MTCL2: variants seen among roughly 807,000 people sequenced by gnomAD.
MTCL2 encodes microtubule crosslinking factor 2, also known as microtubule cross-linking factor 2.
At chr20:36,786,065 G>A in the MTCL2 span, 2 of 986,942 alleles carry the variant, frequency 2.0e-6, no homozygotes, top group East Asian at 1.1e-4. Context: ...AAATGAAGGG[G>A]TGGATGGTCA....
chr20:36,797,046 C>T, the MTCL2 span: 3 of 1,101,140 alleles, frequency 2.7e-6, no homozygotes, highest in Non-Finnish European at 2.8e-6. Context: ...GTGCTTGAAT[C>T]TCCTCATCCG....
chr20:36,834,526 A>T, the MTCL2 span, among the ~76,000 whole-genome samples: 1 of 152,028 alleles, frequency 6.6e-6, no homozygotes, highest in Non-Finnish European at 1.5e-5. Flanking sequence ...TGTTGTGAAC[A>T]AGCCCTCCTG....
chr20:36,836,489 C>T, the MTCL2 span, among the ~76,000 whole-genome samples: 2 of 151,572 alleles, frequency 1.3e-5, no homozygotes, highest in Non-Finnish European at 1.5e-5. Context: ...GGAGTACAGG[C>T]GTGTACCACC....
At chr20:36,784,662 G>A in the MTCL2 span, 2 of 985,474 alleles carry the variant, frequency 2.0e-6, no homozygotes, top group Non-Finnish European at 2.4e-6. Context: ...CATGGGAGGC[G>A]CTGCCCCACA....
the MTCL2 span, chr20:36,786,684 G>A: frequency 6.7e-7 from 1 of 1,502,740 alleles, no homozygotes; most frequent in Non-Finnish European, 9.0e-7. Context: ...GGAGCCAGGA[G>A]ACATGGACCA....
At chr20:36,800,142 A>G in the MTCL2 span, among the ~76,000 whole-genome samples, 1 of 152,214 alleles carries the variant, frequency 6.6e-6, no homozygotes, top group South Asian at 2.1e-4. Flanking sequence ...GGCTGGAGCT[A>G]GAGGGCCGGC....
the MTCL2 span, among the ~76,000 whole-genome samples, chr20:36,836,506 G>A: frequency 6.6e-6 from 1 of 151,712 alleles, no homozygotes; most frequent in Non-Finnish European, 1.5e-5. Flanking sequence ...CACCACACCC[G>A]GCTCATTTTG....
At chr20:36,862,332 C>G in the MTCL2 span, among the ~76,000 whole-genome samples, 1 of 152,202 alleles carries the variant, frequency 6.6e-6, no homozygotes, top group Non-Finnish European at 1.5e-5. Flanking sequence ...CAGCTGAAGG[C>G]AGAGATCCAT....
the MTCL2 span, among the ~76,000 whole-genome samples, chr20:36,802,356 T>C: frequency 6.6e-6 from 1 of 152,114 alleles, no homozygotes; most frequent in African/African-American, 2.4e-5. Context: ...GAGCAGCCTA[T>C]GGTAGGTGGT....
At chr20:36,810,166 G>A in the MTCL2 span, 3 of 1,528,152 alleles carry the variant, frequency 2.0e-6, no homozygotes, top group Non-Finnish European at 2.6e-6. Flanking sequence ...GAAGTGGATA[G>A]AAATTGTGAT....
chr20:36,829,888 C>T, the MTCL2 span, among the ~76,000 whole-genome samples: 4 of 152,006 alleles, frequency 2.6e-5, no homozygotes, highest in Non-Finnish European at 2.9e-5. Context: ...AATCCCAGCA[C>T]TTTGGGAGGC....
At chr20:36,853,246 G>A in the MTCL2 span, among the ~76,000 whole-genome samples, 5 of 152,124 alleles carry the variant, frequency 3.3e-5, no homozygotes, top group African/African-American at 4.8e-5. Flanking sequence ...CCAATGCCAA[G>A]AAATGAGATG....
the MTCL2 span, among the ~76,000 whole-genome samples, chr20:36,792,857 TAGACAGACAGAC>T: frequency 2.2e-3 from 308 of 137,594 alleles, 2 homozygotes; most frequent in African/African-American, 8.3e-3. Context: ...GATAGATAGA[TAGACAGACAGAC>T]AGACAGACAG....
the MTCL2 span, chr20:36,778,452 T>A: frequency 6.6e-6 from 1 of 152,366 alleles, no homozygotes; most frequent in African/African-American, 2.4e-5. Context: ...AGTTCCCAGG[T>A]GATATTCCTG....
the MTCL2 span, among the ~76,000 whole-genome samples, chr20:36,810,316 T>C: frequency 2.0e-5 from 3 of 152,250 alleles, no homozygotes; most frequent in African/African-American, 7.2e-5. Context: ...CTGGCTTTTG[T>C]TACCATTGGA....
chr20:36,853,129 T>A, the MTCL2 span, among the ~76,000 whole-genome samples: 5 of 150,746 alleles, frequency 3.3e-5, no homozygotes, highest in Non-Finnish European at 7.4e-5. Flanking sequence ...TGCCACATGA[T>A]GTCCCCACTC....
the MTCL2 span, chr20:36,797,654 G>C: frequency 2.3e-6 from 3 of 1,319,158 alleles, no homozygotes; most frequent in Non-Finnish European, 3.2e-6. Context: ...CCATTCCCCA[G>C]ACTCCACTCT....
the MTCL2 span, chr20:36,862,869 G>T: frequency 5.7e-6 from 7 of 1,229,742 alleles, no homozygotes; most frequent in Admixed American, 4.5e-5. Flanking sequence ...GGGCTGGGCC[G>T]GCTGCCCCGT....
chr20:36,799,448 C>T, the MTCL2 span, among the ~76,000 whole-genome samples: 4 of 151,656 alleles, frequency 2.6e-5, no homozygotes, highest in Non-Finnish European at 4.4e-5. Flanking sequence ...GCCAAGATCG[C>T]GCCATTGCAC....
Sources: allele counts gnomAD v4.1 joint callset (sites outside exome capture counted in the v4.1 genomes callset), GRCh38; gene constraint gnomAD v4.1.1; transcripts MANE v1.5; gene names NCBI Gene and HGNC (gene_info 2026-07-23, HGNC 2026-07-21).